Variants in PDE7B observed in about 807,000 individuals in gnomAD.
PDE7B encodes the protein 3',5'-cyclic-AMP phosphodiesterase 7B.
Under a neutral mutation model 56.2 loss-of-function variants are expected in PDE7B, and 29 were observed. The ratio of observed to expected loss-of-function variants is 0.52; its 90% CI spans 0.38 to 0.70. The LOEUF is 0.70. Among genes scored for constraint, PDE7B ranks in the 30% least tolerant of loss-of-function variants. The probability of loss-of-function intolerance (pLI) is 0.00; values close to 1 mark genes in which losing one functional copy is unlikely to be tolerated. For synonymous variants in PDE7B, 197 were observed against 196.9 expected (o/e 1.00, Z 0.00); for missense variants, 490 against 565.0 (o/e 0.87, Z 1.35).
chr6:135,857,055 T>TCCCTCCCTCCCG, intron 1 of PDE7B, among the ~76,000 whole-genome samples: 1 of 121,568 alleles, frequency 8.2e-6, no homozygotes, highest in East Asian at 2.9e-4. Flanking sequence ...CCTCCCTCCC[T>TCCCTCCCTCCCG]TCCTTCCTCC....
At chr6:135,904,644 T>G (rs762963296) in intron 1 of PDE7B, among the ~76,000 whole-genome samples, 3 of 152,216 alleles carry the variant, frequency 2.0e-5, no homozygotes, top group Non-Finnish European at 2.9e-5. Context: ...AACACTGTGA[T>G]GTAAAATAAC....
chr6:136,159,497 G>A (rs1295363730), intron 8 of PDE7B, among the ~76,000 whole-genome samples: 1 of 152,120 alleles, frequency 6.6e-6, no homozygotes, highest in Non-Finnish European at 1.5e-5. Context: ...CTTCAAACAG[G>A]CATTAAACAA....
intron 1 of PDE7B, among the ~76,000 whole-genome samples, chr6:135,862,239 T>A (rs1775163954): frequency 6.6e-6 from 1 of 151,896 alleles, no homozygotes; most frequent in Non-Finnish European, 1.5e-5. Context: ...GAAAGTTTCC[T>A]TTTATTCCTA....
intron 1 of PDE7B, among the ~76,000 whole-genome samples, chr6:135,912,589 C>T (rs2128194006): frequency 6.6e-6 from 1 of 151,946 alleles, no homozygotes; most frequent in South Asian, 2.1e-4. Flanking sequence ...AAAGAAGAAA[C>T]TGAGAGAACA....
chr6:136,079,274 G>A (rs559558603), intron 2 of PDE7B, among the ~76,000 whole-genome samples: 2 of 152,134 alleles, frequency 1.3e-5, no homozygotes, highest in East Asian at 3.9e-4. Flanking sequence ...CAGTACTCTG[G>A]CTTTGTTCTC....
chr6:135,980,876 C>G (rs372830811), intron 2 of PDE7B, among the ~76,000 whole-genome samples: 1 of 142,272 alleles, frequency 7.0e-6, no homozygotes, highest in Non-Finnish European at 1.5e-5. Flanking sequence ...GTCAGTGTGG[C>G]GATTCCTCAG....
chr6:135,916,363 C>T (rs1416390436), intron 1 of PDE7B, among the ~76,000 whole-genome samples: 3 of 142,202 alleles, frequency 2.1e-5, no homozygotes, highest in Non-Finnish European at 4.6e-5. Flanking sequence ...AAGTCTTTTG[C>T]CCTTTTTTTC....
chr6:136,153,207 A>C (rs1778550423), intron 6 of PDE7B, among the ~76,000 whole-genome samples: 1 of 152,252 alleles, frequency 6.6e-6, no homozygotes, highest in South Asian at 2.1e-4. Context: ...AGATATAGAT[A>C]CTTTGGACAC....
At chr6:136,053,971 G>A (rs1776682254) in intron 2 of PDE7B, among the ~76,000 whole-genome samples, 1 of 152,158 alleles carries the variant, frequency 6.6e-6, no homozygotes, top group Admixed American at 6.6e-5. Context: ...TGTCAGATGA[G>A]TAGATTGCAG....
intron 1 of PDE7B, among the ~76,000 whole-genome samples, chr6:135,867,290 C>G (rs76151801): frequency 0.031 from 4,758 of 151,992 alleles, 231 homozygotes; most frequent in African/African-American, 0.11. Flanking sequence ...TATTTTTGTT[C>G]CTTTTCAAAA....
At chr6:136,147,876 G>T (rs1778442870) in intron 4 of PDE7B, among the ~76,000 whole-genome samples, 1 of 152,152 alleles carries the variant, frequency 6.6e-6, no homozygotes, top group African/African-American at 2.4e-5. Flanking sequence ...CATCGTAACA[G>T]CTACACTAAA....
intron 1 of PDE7B, among the ~76,000 whole-genome samples, chr6:135,880,958 T>C (rs1407700417): frequency 2.0e-5 from 3 of 152,316 alleles, no homozygotes; most frequent in Admixed American, 6.5e-5. Context: ...GAAAACTCTT[T>C]TTCTTTTCTA....
At chr6:135,983,070 CTTTTTTATTTACAAAAATA>C (rs1775321711) in intron 2 of PDE7B, among the ~76,000 whole-genome samples, 1 of 152,106 alleles carries the variant, frequency 6.6e-6, no homozygotes, top group Non-Finnish European at 1.5e-5. Flanking sequence ...GATGTATTTC[CTTTTTTATTTACAAAAATA>C]AAAATGCCAT....
chr6:136,169,025 C>T (rs968825615), intron 8 of PDE7B, among the ~76,000 whole-genome samples: 1 of 152,094 alleles, frequency 6.6e-6, no homozygotes, highest in African/African-American at 2.4e-5. Context: ...GTATGCAGAG[C>T]TTAGGTTTGA....
intron 1 of PDE7B, among the ~76,000 whole-genome samples, chr6:135,871,481 C>A (rs1775378576): frequency 6.6e-6 from 1 of 152,206 alleles, no homozygotes; most frequent in Non-Finnish European, 1.5e-5. Context: ...CTTATTTGGG[C>A]TCAGCAAAGC....
intron 2 of PDE7B, among the ~76,000 whole-genome samples, chr6:135,974,211 C>A (rs1319563210): frequency 3.3e-5 from 5 of 152,082 alleles, no homozygotes; most frequent in Admixed American, 3.3e-4. Context: ...TTTGTTAAAT[C>A]TCAAAATAAC....
At chr6:136,025,893 T>C (rs1385606429) in intron 2 of PDE7B, among the ~76,000 whole-genome samples, 2 of 152,218 alleles carry the variant, frequency 1.3e-5, no homozygotes, top group Admixed American at 1.3e-4. Context: ...TTTTTTTTTC[T>C]TTTCCATTTC....
intron 1 of PDE7B, among the ~76,000 whole-genome samples, chr6:135,871,557 A>T (rs944029844): frequency 2.6e-5 from 4 of 152,216 alleles, no homozygotes; most frequent in African/African-American, 9.6e-5. Flanking sequence ...GTGGCCAGTT[A>T]CTCACATGGG....
At chr6:136,141,434 TG>T (rs1778324451) in intron 3 of PDE7B, among the ~76,000 whole-genome samples, 1 of 152,180 alleles carries the variant, frequency 6.6e-6, no homozygotes, top group Non-Finnish European at 1.5e-5. Flanking sequence ...TCTCCTTTTT[TG>T]TTGTGTCTCT....
Sources: allele counts gnomAD v4.1 joint callset (sites outside exome capture counted in the v4.1 genomes callset), GRCh38; gene constraint gnomAD v4.1.1; transcripts MANE v1.5; gene names NCBI Gene and HGNC (gene_info 2026-07-23, HGNC 2026-07-21).